The following IFNAR2 variants were observed in gnomAD, a reference collection of about 807,000 sequenced individuals.
The protein encoded by IFNAR2 is interferon alpha/beta receptor 2.
In IFNAR2, 30 loss-of-function variants were observed where a neutral mutation model predicts 49.4. The ratio of observed to expected loss-of-function variants is 0.61; its 90% CI spans 0.45 to 0.82. The LOEUF (loss-of-function observed/expected upper bound fraction) is 0.82, where lower values mean the gene tolerates loss of function less well. Among genes scored for constraint, IFNAR2 ranks in the 40% least tolerant of loss-of-function variants. IFNAR2 has a pLI of 0.00. For missense variants in IFNAR2, 600 were observed against 622.7 expected, an observed-to-expected ratio of 0.96 and a Z score of 0.39; for synonymous variants, 224 against 234.5, an observed-to-expected ratio of 0.96 and a Z score of 0.41.
chr21:33,252,926 A>C, intron 7 of IFNAR2, 96 bp downstream of exon 7: 1 of 1,011,292 alleles, frequency 9.9e-7, no homozygotes, highest in Non-Finnish European at 1.6e-6. Flanking sequence ...GAATTCATGG[A>C]GCACTAAAGG....
intron 1 of IFNAR2, chr21:33,237,021 A>AT (rs1183061062): frequency 2.8e-6 from 1 of 359,678 alleles, no homozygotes; most frequent in African/African-American, 2.2e-5. Context: ...CAAGTGAAGT[A>AT]TAAGTCACCA....
At chr21:33,257,624 A>G (rs921804924) in intron 7 of IFNAR2, among the ~76,000 whole-genome samples, 1 of 152,014 alleles carries the variant, frequency 6.6e-6, no homozygotes, top group African/African-American at 2.4e-5. Context: ...TGCATTTTAC[A>G]ATCCTCTTGT....
intron 3 of IFNAR2, among the ~76,000 whole-genome samples, chr21:33,244,381 A>G (rs1987229282): frequency 2.0e-5 from 3 of 152,232 alleles, no homozygotes; most frequent in Admixed American, 2.0e-4. Context: ...ATCTTTTCAT[A>G]GTGCCTACTT....
chr21:33,245,649 A>G lies in IFNAR2; in HGVS notation c.221+575A>G, dbSNP rs529354473. Among the ~76,000 whole-genome samples the G allele has an allele frequency of 5.9e-5, 9 of 152,256 alleles. No homozygotes were observed. The South Asian group carries it at 1.9e-3, about 32-fold the overall frequency. On this transcript the variant is annotated intron_variant, in intron 4 of 8. Transcript: ENST00000342136. ...CAAGGATTCGTGACATAATGGATGG[A>G]GTCCTGCTTGTCTTTTGTCTTCCCA... is the stretch of plus-strand genomic sequence containing the variant.
At chr21:33,252,247 A>AG in intron 6 of IFNAR2, 1 of 457,286 alleles carries the variant, frequency 2.2e-6, no homozygotes, top group South Asian at 1.6e-5. Flanking sequence ...CGTTGAATGG[A>AG]GGTAATGCCT....
Position 33,262,783 on chromosome 21 carries a change from T to C in IFNAR2, c.841-10T>C, listed in dbSNP as rs1294499766. ...TACGGACTCTCTCTCTCTTTTTTTT[T>C]TTTTTTAAGAATTTTCATAACTTTT... On this transcript the variant is annotated splice_polypyrimidine_tract_variant and intron_variant, in intron 8 of 8. Coordinates refer to ENST00000342136, the MANE Select transcript of IFNAR2 (RefSeq NM_001289125.3). 6 of 1,580,704 alleles carry C rather than the reference T, an allele frequency of 3.8e-6. No homozygotes were observed. In the Admixed American group the frequency reaches 9.7e-5, roughly 25 times the overall value.
In IFNAR2 at chr21:33,237,047, A is replaced by G. The variant is rs1309124016; in HGVS notation, c.-83-4793A>G. On this transcript the variant is annotated intron_variant, in intron 1 of 8. Coordinates refer to ENST00000342136, the MANE Select transcript of IFNAR2 (RefSeq NM_001289125.3). Reference sequence around the variant, plus strand: ...TAAGTCACCAGAAAGCAAGGAAGGAAGCCATCCCCTGGCCCAGAGGGGGAG... The same window carrying G: ...TAAGTCACCAGAAAGCAAGGAAGGAGGCCATCCCCTGGCCCAGAGGGGGAG... The G allele has an allele frequency of 1.8e-5, 4 of 223,598 alleles. No individual in the cohort carries two copies. In the Admixed American group the frequency reaches 2.6e-4, roughly 15 times the overall value. 13.9% of individuals were successfully genotyped at this position (223,598 alleles called of 1,614,324 possible). A position where few individuals can be genotyped will look rare whatever the true frequency, so the allele number is the denominator to read the frequency against.
intron 2 of IFNAR2, among the ~76,000 whole-genome samples, chr21:33,242,758 C>CAT (rs1466194739): frequency 3.9e-5 from 3 of 76,578 alleles, no homozygotes; most frequent in African/African-American, 1.5e-4. Flanking sequence ...ATCTCGTGTG[C>CAT]GTGTGTGTGT....
Position 33,264,574 on chromosome 21 carries a change from A to G in IFNAR2, c.*1074A>G, listed in dbSNP as rs1038268995. 1 of 151,276 alleles carries G rather than the reference A, an allele frequency of 6.6e-6. No homozygotes were observed. The highest frequency in any genetic ancestry group is 2.4e-5 in the African/African-American group (1 of 41,190). The allele number at this position is 151,276 out of a possible 1,614,324, so 9.4% of individuals were successfully genotyped here. A position where few individuals can be genotyped will look rare whatever the true frequency, so the allele number is the denominator to read the frequency against. On this transcript the variant is annotated 3_prime_UTR_variant, in exon 9 of 9. Coordinates refer to ENST00000342136, the MANE Select transcript of IFNAR2 (RefSeq NM_001289125.3). ...ATCTTCAGGAGAAGTATGGTATACA[A>G]GTTTCAGGGACCCTATTTGACAATT...
At chr21:33,258,701 G>A (rs1988375371) in intron 7 of IFNAR2, among the ~76,000 whole-genome samples, 1 of 152,218 alleles carries the variant, frequency 6.6e-6, no homozygotes. Flanking sequence ...AAGTGCCCGA[G>A]GCAGGATATG....
At chr21:33,248,181 C>G (rs1987579114) in intron 5 of IFNAR2, among the ~76,000 whole-genome samples, 1 of 147,926 alleles carries the variant, frequency 6.8e-6, no homozygotes, top group African/African-American at 2.5e-5. Context: ...TGTGCTTACT[C>G]TAATCCAGAA....
At chr21:33,253,306 G>A (rs931445910) in intron 7 of IFNAR2, among the ~76,000 whole-genome samples, 2 of 152,226 alleles carry the variant, frequency 1.3e-5, no homozygotes, top group Non-Finnish European at 1.5e-5. Context: ...GAAAATCACT[G>A]ATGAAGGCTG....
At chr21:33,261,169 T>C (rs1176657569) in intron 8 of IFNAR2, among the ~76,000 whole-genome samples, 1 of 150,908 alleles carries the variant, frequency 6.6e-6, no homozygotes, top group African/African-American at 2.4e-5. Flanking sequence ...CTCAAGTAGC[T>C]GGGACTACAG....
At chr21:33,239,062 G>A (rs2123458719) in intron 1 of IFNAR2, among the ~76,000 whole-genome samples, 1 of 152,272 alleles carries the variant, frequency 6.6e-6, no homozygotes, top group East Asian at 1.9e-4. Context: ...ATGTAAATTG[G>A]TATAGCCCCG....
At chr21:33,238,774 T>TAA (rs35083825) in intron 1 of IFNAR2, among the ~76,000 whole-genome samples, 1 of 141,702 alleles carries the variant, frequency 7.1e-6, no homozygotes, top group African/African-American at 2.6e-5. Context: ...CCCTTCTACT[T>TAA]AAAAAAAAAA....
At chr21:33,236,571 C>G (rs1351144372) in intron 1 of IFNAR2, among the ~76,000 whole-genome samples, 1 of 152,240 alleles carries the variant, frequency 6.6e-6, no homozygotes, top group African/African-American at 2.4e-5. Flanking sequence ...ACCTCTCCAG[C>G]ATCTGCACCA....
chr21:33,240,521 G>C (rs1156291956), intron 1 of IFNAR2, among the ~76,000 whole-genome samples: 1 of 152,172 alleles, frequency 6.6e-6, no homozygotes, highest in African/African-American at 2.4e-5. Flanking sequence ...ATCAACAAAT[G>C]ATTGGATAAA....
In IFNAR2 at chr21:33,263,036, C is replaced by G. The variant is rs1441207963; in HGVS notation, c.1084C>G (p.Pro362Ala). The change falls in exon 9 of 9, where the codon CCG becomes GCG. Residue 362 changes from proline to alanine, a missense_variant. Coordinates refer to ENST00000342136, the MANE Select transcript of IFNAR2 (RefSeq NM_001289125.3). ...CTCTACAGAATCCCAGTTGATAGAC[C>G]CGGAGTCCGAGGAGGAGCCTGACCT... ...ATSTESQLIDPESEEEPDLPE... is the reference protein window; with the variant it reads ...ATSTESQLIDAESEEEPDLPE... The G allele has an allele frequency of 6.2e-7, 1 of 1,614,112 alleles. No homozygotes were observed. Among genetic ancestry groups the G allele is most frequent in the Admixed American group, 1.7e-5 (1 of 60,008 alleles).
chr21:33,258,063 G>C (rs1159689087), intron 7 of IFNAR2, among the ~76,000 whole-genome samples: 1 of 152,160 alleles, frequency 6.6e-6, no homozygotes, highest in Non-Finnish European at 1.5e-5. Context: ...CCAGCACTTT[G>C]GGGGGCCGAG....
Sources: gnomAD v4.1 joint callset for allele counts (sites outside exome capture counted in the v4.1 genomes callset) on GRCh38, gnomAD v4.1.1 for gene constraint, MANE v1.5 for transcripts, NCBI Gene and HGNC (gene_info 2026-07-23, HGNC 2026-07-21) for gene names.